Variants in C4orf51 observed in about 807,000 individuals in gnomAD.
C4orf51 encodes chromosome 4 open reading frame 51.
Under a neutral mutation model 25.2 loss-of-function variants are expected in C4orf51, and 25 were observed. The ratio of observed to expected loss-of-function variants is 0.99; its 90% CI spans 0.72 to 1.39. The LOEUF (loss-of-function observed/expected upper bound fraction) is 1.39, where lower values mean the gene tolerates loss of function less well. C4orf51 is among the 40% of genes most tolerant of loss of function. The probability of loss-of-function intolerance (pLI) is 0.00; values close to 1 mark genes in which losing one functional copy is unlikely to be tolerated. For missense variants in C4orf51, 252 were observed against 239.6 expected (o/e 1.05, Z -0.34); for synonymous variants, 100 against 84.5 (o/e 1.18, Z -1.01).
intron 1 of C4orf51, among the ~76,000 whole-genome samples, chr4:145,768,191 G>T (rs1014641420): frequency 3.9e-5 from 6 of 152,054 alleles, no homozygotes; most frequent in Non-Finnish European, 5.9e-5. Flanking sequence ...TGGAGACAGG[G>T]TCTCACTCTG....
the C4orf51 span, among the ~76,000 whole-genome samples, chr4:145,778,006 A>G: frequency 1.3e-5 from 2 of 152,092 alleles, no homozygotes. Context: ...ATAAAACTCC[A>G]CTTTTTTGAA....
intron 1 of C4orf51, among the ~76,000 whole-genome samples, chr4:145,691,204 A>G (rs992576772): frequency 6.6e-6 from 1 of 152,212 alleles, no homozygotes; most frequent in African/African-American, 2.4e-5. Context: ...GCTCAGCATC[A>G]CTGATCATCA....
intron 1 of C4orf51, among the ~76,000 whole-genome samples, chr4:145,747,705 C>T (rs557604561): frequency 8.4e-6 from 1 of 118,502 alleles, no homozygotes; most frequent in Admixed American, 9.4e-5. Flanking sequence ...TTCCTTCCTT[C>T]TTTCCTTCCT....
At chr4:145,695,335 C>G (rs1223815140) in intron 1 of C4orf51, among the ~76,000 whole-genome samples, 1 of 152,186 alleles carries the variant, frequency 6.6e-6, no homozygotes, top group East Asian at 1.9e-4. Flanking sequence ...CTCTAATGAT[C>G]AGTGATAATG....
Position 145,762,383 on chromosome 4 carries a change from A to G in C4orf51, n.167-8605A>G, listed in dbSNP as rs1362295956. Among the ~76,000 whole-genome samples, 1 of 152,204 alleles carries G rather than the reference A, an allele frequency of 6.6e-6. No homozygotes were observed. The highest frequency in any genetic ancestry group is 6.5e-5 in the Admixed American group (1 of 15,280). Reference sequence around the variant, plus strand: ...TATCTGGAGCTCGAAGACATTATTAATACATGATTATGCCGGAGATAGGAT... The same window carrying G: ...TATCTGGAGCTCGAAGACATTATTAGTACATGATTATGCCGGAGATAGGAT... On this transcript the variant is annotated intron_variant and non_coding_transcript_variant, in intron 1 of 1. Coordinates refer to the C4orf51 transcript ENST00000510096. The surrounding 1 kb of genome is among the most constrained non-coding windows in gnomAD (Gnocchi z 4.9).
downstream of C4orf51, chr4:145,754,423 A>G (rs1230824732): frequency 6.6e-6 from 1 of 152,306 alleles, no homozygotes; most frequent in Non-Finnish European, 1.5e-5. Context: ...CAGTGGTCAC[A>G]GTGGCACTGG....
intron 1 of C4orf51, among the ~76,000 whole-genome samples, chr4:145,692,345 C>A (rs1729634405): frequency 6.6e-6 from 1 of 151,952 alleles, no homozygotes; most frequent in Non-Finnish European, 1.5e-5. Flanking sequence ...ATATAAAATT[C>A]AAAAAAACCA....
intron 2 of C4orf51, among the ~76,000 whole-genome samples, chr4:145,726,525 C>G (rs948467801): frequency 6.6e-6 from 1 of 152,112 alleles, no homozygotes; most frequent in African/African-American, 2.4e-5. Flanking sequence ...CCTTAGCCTC[C>G]CTGGTAGCTG....
intron 1 of C4orf51, among the ~76,000 whole-genome samples, chr4:145,768,918 AGG>A (rs1166049993): frequency 1.5e-5 from 1 of 67,234 alleles, no homozygotes; most frequent in African/African-American, 5.1e-5. Flanking sequence ...TATATATATT[AGG>A]TATACAAAGT....
intron 2 of C4orf51, among the ~76,000 whole-genome samples, chr4:145,698,010 A>C (rs1730180764): frequency 6.6e-6 from 1 of 152,176 alleles, no homozygotes; most frequent in South Asian, 2.1e-4. Flanking sequence ...CTTTTTGATA[A>C]TAGCCATTCT....
intron 1 of C4orf51, among the ~76,000 whole-genome samples, chr4:145,748,862 C>G (rs971307642): frequency 6.6e-6 from 1 of 151,918 alleles, no homozygotes; most frequent in Non-Finnish European, 1.5e-5. Flanking sequence ...ATATAATGTT[C>G]TATAAATATC....
intron 5 of C4orf51, among the ~76,000 whole-genome samples, chr4:145,731,820 G>A (rs1732498363): frequency 6.6e-6 from 1 of 151,812 alleles, no homozygotes; most frequent in Non-Finnish European, 1.5e-5. Context: ...GACCTCAGGT[G>A]ATCTGCCCAC....
chr4:145,744,852 C>CAAA (rs5862745), intron 1 of C4orf51, among the ~76,000 whole-genome samples: 1 of 136,200 alleles, frequency 7.3e-6, no homozygotes, highest in African/African-American at 2.8e-5. Context: ...AACTCTGTCT[C>CAAA]AAAAAAAAAA....
At chr4:145,727,895 G>GTGTATATATATATATATATATATA (rs529040880) in intron 3 of C4orf51, among the ~76,000 whole-genome samples, 1 of 101,638 alleles carries the variant, frequency 9.8e-6, no homozygotes, top group Non-Finnish European at 1.8e-5. Context: ...AAAAAAATGT[G>GTGTATATATATATATATATATATA]TATATATATA....
chr4:145,729,373 C>T (rs535037669), intron 4 of C4orf51, 144 bp downstream of exon 4: 19 of 544,376 alleles, frequency 3.5e-5, no homozygotes, highest in East Asian at 2.0e-4. Flanking sequence ...GCGATCTCGG[C>T]TCACTGCAAG....
Position 145,710,834 on chromosome 4 carries a change from C to A in C4orf51, c.307+14202C>A, listed in dbSNP as rs998791065. Among the ~76,000 whole-genome samples the A allele has an allele frequency of 3.3e-5, 5 of 152,144 alleles. No individual in the cohort carries two copies. In the East Asian group the frequency reaches 9.7e-4, roughly 29 times the overall value. On this transcript the variant is annotated intron_variant, in intron 2 of 5. Transcript: ENST00000438731. ...GGGTAGGGAGCCCTCTCCTGTTCTG[C>A]TCATGTCTGACTAGCTACCTACTGT... is the stretch of plus-strand genomic sequence containing the variant.
At chr4:145,722,449 C>T (rs1731790999) in intron 2 of C4orf51, among the ~76,000 whole-genome samples, 2 of 152,130 alleles carry the variant, frequency 1.3e-5, no homozygotes, top group Admixed American at 1.3e-4. Flanking sequence ...TTCTTAAAGT[C>T]AGCTGATCAG....
intron 2 of C4orf51, among the ~76,000 whole-genome samples, chr4:145,721,676 C>G (rs1215016714): frequency 2.0e-5 from 3 of 152,216 alleles, no homozygotes; most frequent in Admixed American, 2.0e-4. Context: ...GGAACATTGG[C>G]AGCCAAGCCT....
chr4:145,787,631 A>T, the C4orf51 span, among the ~76,000 whole-genome samples: 1 of 152,178 alleles, frequency 6.6e-6, no homozygotes, highest in Admixed American at 6.5e-5. Context: ...TTGCATTACT[A>T]CTTTCAGGGG....
Sources: allele counts gnomAD v4.1 joint callset (sites outside exome capture counted in the v4.1 genomes callset), GRCh38; gene constraint gnomAD v4.1.1; non-coding constraint Gnocchi (gnomAD v3.1); transcripts MANE v1.5; gene names NCBI Gene and HGNC (gene_info 2026-07-23, HGNC 2026-07-21).